ALPK1: variants seen among roughly 807,000 people sequenced by gnomAD.
The protein encoded by ALPK1 is alpha kinase 1.
A neutral mutation model predicts 120.6 loss-of-function variants in ALPK1; 110 were observed. That is an observed-to-expected ratio of 0.91 (90% confidence interval 0.78 to 1.07). The LOEUF is 1.07. ALPK1 is among the 50% of genes least tolerant of loss of function. ALPK1 has a pLI of 0.00. For synonymous variants in ALPK1, 582 were observed against 560.3 expected (o/e 1.04, Z -0.55); for missense variants, 1,498 against 1,483.9 (o/e 1.01, Z -0.16).
chr4:112,333,634 T>C (rs907005000), intron 2 of ALPK1, among the ~76,000 whole-genome samples: 3 of 152,220 alleles, frequency 2.0e-5, no homozygotes, highest in African/African-American at 4.8e-5. Flanking sequence ...CTCTGGTAGA[T>C]GAACCCACAT....
intron 4 of ALPK1, 45 bp downstream of exon 4, chr4:112,382,597 G>A (rs1197927983): frequency 1.5e-5 from 25 of 1,613,830 alleles, no homozygotes; most frequent in Non-Finnish European, 2.1e-5. Flanking sequence ...CCCCAAGTGA[G>A]GCATTTAGAC....
chr4:112,382,739 T>A, intron 4 of ALPK1, 187 bp downstream of exon 4: 1 of 788,650 alleles, frequency 1.3e-6, no homozygotes, highest in Non-Finnish European at 2.0e-6. Flanking sequence ...TAAGATCTTG[T>A]GTTGTAAAGC....
At chr4:112,389,945 C>T (rs561328079) in intron 4 of ALPK1, among the ~76,000 whole-genome samples, 1 of 152,322 alleles carries the variant, frequency 6.6e-6, no homozygotes, top group Admixed American at 6.5e-5. Context: ...CCCCTCCACC[C>T]CATCACTACT....
At chr4:112,359,461 A>G in intron 2 of ALPK1, 1 of 280,570 alleles carries the variant, frequency 3.6e-6, no homozygotes, top group South Asian at 4.7e-5. Context: ...CCATACCACA[A>G]GCAGCACTTC....
chr4:112,344,720 AC>A (rs764189142), intron 2 of ALPK1, among the ~76,000 whole-genome samples: 14 of 152,210 alleles, frequency 9.2e-5, no homozygotes, highest in Non-Finnish European at 1.3e-4. Context: ...TGGGAAAGTT[AC>A]TTAACCTCCA....
chr4:112,440,946 A>G lies in ALPK1; in HGVS notation c.3568A>G (p.Ile1190Val). The change falls in exon 15 of 16, where the codon ATC becomes GTC. Residue 1190 changes from isoleucine (I) to valine (V), a missense_variant. Transcript: ENST00000650871. ...GGTAACCGGTAATGGAAAAGGACTC[A>G]TCTACCTCACAGATCCCCAGATTCA... ...GWVTGNGKGL[I>V]YLTDPQIHSV... The G allele has an allele frequency of 1.2e-6, 2 of 1,613,626 alleles. No homozygotes were observed. The highest frequency in any genetic ancestry group is 1.7e-5 in the Admixed American group (1 of 59,974).
chr4:112,385,935 G>A (rs1017557601), intron 4 of ALPK1, among the ~76,000 whole-genome samples: 17 of 151,960 alleles, frequency 1.1e-4, no homozygotes, highest in South Asian at 2.1e-4. Context: ...CCCATAAAAT[G>A]TTTCCCCTCT....
rs74911401 is a variant in ALPK1, at chr4:112,432,325, A to G, written c.2778A>G (p.Ser926=). The change falls in exon 11 of 16, where the codon TCA becomes TCG. Residue 926 remains serine, a synonymous_variant. Coordinates refer to ENST00000650871, the MANE Select transcript of ALPK1 (RefSeq NM_025144.4). The stretch of plus-strand genomic sequence containing the variant: ...TAAACTGCAGCCAGAACTCCAGCTC[A>G]TCCTCAGTGTGGTGGCTGAAATCAC... ...NMLNCSQNSS[S]SSVWWLKSPA... 1.5e-3 allele frequency: 2,377 copies of G among 1,614,204 alleles called. 39 individuals carry two copies. The African/African-American group carries it at 0.025, about 17-fold the overall frequency.
chr4:112,323,136 AC>A (rs1286355907), intron 2 of ALPK1, among the ~76,000 whole-genome samples: 2 of 151,934 alleles, frequency 1.3e-5, no homozygotes, highest in Admixed American at 1.3e-4. Flanking sequence ...ACTGCCATCC[AC>A]CCCTGCTCCT....
intron 4 of ALPK1, among the ~76,000 whole-genome samples, chr4:112,410,305 AC>A: frequency 6.6e-6 from 1 of 151,656 alleles, no homozygotes; most frequent in Non-Finnish European, 1.5e-5. Flanking sequence ...CTGTGTTCAA[AC>A]CCCAGCTCTT....
At chr4:112,366,575 A>C (rs545337983) in intron 2 of ALPK1, among the ~76,000 whole-genome samples, 10 of 152,226 alleles carry the variant, frequency 6.6e-5, no homozygotes, top group Non-Finnish European at 1.2e-4. Context: ...GATGTGGTGA[A>C]AAGGGAATAA....
At chr4:112,363,838 A>G (rs992027104) in intron 2 of ALPK1, among the ~76,000 whole-genome samples, 11 of 152,192 alleles carry the variant, frequency 7.2e-5, no homozygotes, top group African/African-American at 2.2e-4. Context: ...AAATTTAAGA[A>G]AATCAAAATT....
intron 3 of ALPK1, among the ~76,000 whole-genome samples, chr4:112,381,853 AC>A (rs1214066325): frequency 1.3e-5 from 2 of 152,226 alleles, no homozygotes; most frequent in African/African-American, 4.8e-5. Flanking sequence ...CTAATGTGAA[AC>A]AGGGCCATTT....
chr4:112,314,876 CTTTTTTTT>C (rs763492984), intron 1 of ALPK1, among the ~76,000 whole-genome samples: 5 of 99,624 alleles, frequency 5.0e-5, no homozygotes, highest in African/African-American at 2.0e-4. Flanking sequence ...AATCCATTGC[CTTTTTTTT>C]TTTTTTTTTT....
intron 1 of ALPK1, among the ~76,000 whole-genome samples, chr4:112,305,039 T>C (rs2110522940): frequency 6.6e-6 from 1 of 152,274 alleles, no homozygotes; most frequent in Non-Finnish European, 1.5e-5. Flanking sequence ...TTGTCAGGTT[T>C]GTCAAAGATC....
rs557852943 is a variant in ALPK1, at chr4:112,358,863, G to A, written c.-100-18815G>A. 375 of 783,058 alleles carry A rather than the reference G, an allele frequency of 4.8e-4. 2 individuals carry two copies. Among genetic ancestry groups the A allele is most frequent in the South Asian group, 4.4e-3 (332 of 74,890 alleles). 48.5% of individuals were successfully genotyped at this position (783,058 alleles called of 1,614,324 possible). On this transcript the variant is annotated intron_variant, in intron 2 of 15. Transcript: ENST00000650871. ...GGCCCTGCAGGACCACAAGGGTTCC[G>A]ATGACTTTGCTGCCCTGGCGACCTG... is the stretch of plus-strand genomic sequence containing the variant.
At position 112,411,836 on chromosome 4, in the gene ALPK1, A is replaced by AG; in HGVS notation, c.289dup (p.Ala97GlyfsTer90). On this transcript the variant is annotated frameshift_variant, in exon 5 of 16. Transcript: ENST00000650871. LOFTEE classifies it high-confidence loss of function. ...CACGCTGTTCCTCCAGGCGTCCCTG[A>AG]GGGCCTCCATCCTCGCTCGGGACTG... 1 of 1,610,986 alleles carries AG rather than the reference A, an allele frequency of 6.2e-7. No homozygotes were observed. The highest frequency in any genetic ancestry group is 8.5e-7 in the Non-Finnish European group (1 of 1,178,920).
At chr4:112,413,665 C>T (rs1342053593) in intron 5 of ALPK1, among the ~76,000 whole-genome samples, 1 of 152,220 alleles carries the variant, frequency 6.6e-6, no homozygotes, top group Non-Finnish European at 1.5e-5. Flanking sequence ...GTGATCCACC[C>T]ACCTCGGCCT....
At chr4:112,384,286 T>C (rs1423019297) in intron 4 of ALPK1, 7 of 152,366 alleles carry the variant, frequency 4.6e-5, no homozygotes, top group Non-Finnish European at 1.0e-4. Flanking sequence ...TGAGGTTTAC[T>C]TATTGTATCT....
Sources: allele counts gnomAD v4.1 joint callset (sites outside exome capture counted in the v4.1 genomes callset), GRCh38; gene constraint gnomAD v4.1.1; transcripts MANE v1.5; gene names NCBI Gene and HGNC (gene_info 2026-07-23, HGNC 2026-07-21).